MYOM2: variants seen among roughly 807,000 people sequenced by gnomAD.
MYOM2 encodes myomesin-2.
Under a neutral mutation model 187.6 loss-of-function variants are expected in MYOM2, and 254 were observed. The ratio of observed to expected loss-of-function variants is 1.35; its 90% CI spans 1.22 to 1.50. MYOM2 has a LOEUF of 1.50. Ranked by LOEUF, MYOM2 falls within the 40% of genes most tolerant of loss-of-function variation. The pLI is 0.00. For missense variants in MYOM2, 2,796 were observed against 1,924.0 expected (o/e 1.45, Z -8.48); for synonymous variants, 981 against 753.8 (o/e 1.30, Z -4.94).
At chr8:2,054,921 C>G (rs55957756) in intron 3 of MYOM2, among the ~76,000 whole-genome samples, 5,129 of 109,838 alleles carry the variant, frequency 0.047, 752 homozygotes, top group Non-Finnish European at 0.068. Context: ...ACTGGGGAAC[C>G]AAGTACCTGG....
chr8:2,107,436 T>G (rs1306714536), intron 23 of MYOM2, among the ~76,000 whole-genome samples: 1 of 152,108 alleles, frequency 6.6e-6, no homozygotes, highest in Non-Finnish European at 1.5e-5. Context: ...AGCAGATCCT[T>G]TAGTTATCAA....
intron 1 of MYOM2, among the ~76,000 whole-genome samples, chr8:2,049,425 C>T (rs1441754743): frequency 6.6e-6 from 1 of 152,186 alleles, no homozygotes; most frequent in Admixed American, 6.5e-5. Flanking sequence ...TCGGAGATTA[C>T]AGAGTTCAAA....
chr8:2,057,741 G>T lies in MYOM2; in HGVS notation c.521G>T (p.Cys174Phe). ...TVWERMSVKL[C>F]FTVQGFPTPV... ...TGGGAGAGGATGTCTGTGAAACTCTGCTTCACCGTGCAAGGATTTCCCACG... is the reference window on the plus strand; with the variant it reads ...TGGGAGAGGATGTCTGTGAAACTCTTCTTCACCGTGCAAGGATTTCCCACG... Residue 174 changes from cysteine to phenylalanine, a missense_variant, in exon 5 of 37, where the codon TGC becomes TTC. Cys to Phe is a radical substitution (Grantham distance 205, BLOSUM62 -2). Transcript: ENST00000262113. 1.2e-6 allele frequency: 2 copies of T among 1,614,126 alleles called. No homozygotes were observed. Among genetic ancestry groups the T allele is most frequent in the Non-Finnish European group, 1.7e-6 (2 of 1,180,022 alleles).
At chr8:2,144,196 A>G (rs1042422362) in intron 36 of MYOM2, among the ~76,000 whole-genome samples, 1 of 152,268 alleles carries the variant, frequency 6.6e-6, no homozygotes, top group Admixed American at 6.5e-5. Context: ...GGCTGAAAGC[A>G]TGTTTTAACT....
Position 2,107,117 on chromosome 8 carries a change from TTAGA to T in MYOM2, c.2998+524_2998+527del, listed in dbSNP as rs1363866993. ...ATCAAGGGGAAAAACAATAGTTTTC[TTAGA>T]TAGGTTCACAGGTCTGAGTTCACCA... On this transcript the variant is annotated intron_variant, in intron 23 of 36. Transcript: ENST00000262113. Among the ~76,000 whole-genome samples the T allele has an allele frequency of 6.6e-5, 10 of 152,294 alleles. No homozygotes were observed. The South Asian group carries it at 1.7e-3, about 25-fold the overall frequency.
chr8:2,131,248 C>G (rs187785689), intron 32 of MYOM2, among the ~76,000 whole-genome samples: 2 of 152,280 alleles, frequency 1.3e-5, no homozygotes, highest in Admixed American at 6.5e-5. Context: ...TTATTTTTAT[C>G]TAATCCTCAC....
At chr8:2,112,723 A>G (rs111592928) in intron 25 of MYOM2, among the ~76,000 whole-genome samples, 42 of 152,372 alleles carry the variant, frequency 2.8e-4, no homozygotes, top group African/African-American at 9.1e-4. Flanking sequence ...TTGCAATATC[A>G]AAACAGAAAT....
chr8:2,097,878 A>C (rs1290963282), intron 18 of MYOM2, among the ~76,000 whole-genome samples: 1 of 152,222 alleles, frequency 6.6e-6, no homozygotes, highest in Non-Finnish European at 1.5e-5. Context: ...GGGCTAAATC[A>C]TCACCACGCT....
At chr8:2,046,673 C>T (rs757477987) in intron 1 of MYOM2, among the ~76,000 whole-genome samples, 11 of 152,052 alleles carry the variant, frequency 7.2e-5, no homozygotes, top group East Asian at 5.8e-4. Flanking sequence ...CCTCCCAATG[C>T]GCCTGAGCCC....
At chr8:2,055,833 C>T (rs775860523) in intron 3 of MYOM2, among the ~76,000 whole-genome samples, 1 of 152,138 alleles carries the variant, frequency 6.6e-6, no homozygotes, top group Non-Finnish European at 1.5e-5. Context: ...TCTGGACAGC[C>T]GTGATGCTAC....
intron 32 of MYOM2, among the ~76,000 whole-genome samples, chr8:2,137,813 C>G (rs535429561): frequency 1.3e-5 from 2 of 152,230 alleles, no homozygotes; most frequent in South Asian, 4.1e-4. Context: ...TGTAAAGTGT[C>G]CAGTTGTAAG....
intron 6 of MYOM2, among the ~76,000 whole-genome samples, chr8:2,068,255 C>T (rs1178772863): frequency 6.6e-6 from 1 of 151,524 alleles, no homozygotes; most frequent in African/African-American, 2.4e-5. Context: ...GGGGGCAGCT[C>T]TTCAATGCCT....
chr8:2,069,198 A>C, intron 6 of MYOM2, 80 bp from the exon 7 acceptor site: 1 of 1,364,322 alleles, frequency 7.3e-7, no homozygotes, highest in Non-Finnish European at 1.0e-6. Context: ...TTTGCTTTCG[A>C]GGAATGCTTT....
rs902220740 is a variant in MYOM2 at position 2,145,081 on chromosome 8, G to T, written c.*100G>T. On this transcript the variant is annotated 3_prime_UTR_variant, in exon 37 of 37. Transcript: ENST00000262113. ...GCAGCTGGCATCCGAGTGGTGTCCT[G>T]TGTGGGCTGATAGTTGATCACACAT... 5 of 1,298,366 alleles carry T rather than the reference G, an allele frequency of 3.9e-6. No homozygotes were observed. The African/African-American group carries it at 4.5e-5, about 12-fold the overall frequency. 80.4% of individuals were successfully genotyped at this position (1,298,366 alleles called of 1,614,324 possible).
chr8:2,064,580 A>G (rs903030128), intron 6 of MYOM2, among the ~76,000 whole-genome samples: 1 of 152,192 alleles, frequency 6.6e-6, no homozygotes, highest in African/African-American at 2.4e-5. Context: ...TTCTTCCCCC[A>G]GTGGCTCCTG....
intron 10 of MYOM2, among the ~76,000 whole-genome samples, chr8:2,075,479 A>T (rs947556327): frequency 6.6e-6 from 1 of 152,226 alleles, no homozygotes; most frequent in African/African-American, 2.4e-5. Flanking sequence ...CCCTGAAGAT[A>T]TGTGAGCAGG....
intron 14 of MYOM2, among the ~76,000 whole-genome samples, chr8:2,088,310 AG>A (rs1445302461): frequency 1.3e-5 from 2 of 152,164 alleles, no homozygotes; most frequent in African/African-American, 2.4e-5. Flanking sequence ...TTTTAGCTTC[AG>A]GGGGTACCTG....
chr8:2,066,047 G>A (rs531900622), intron 6 of MYOM2, among the ~76,000 whole-genome samples: 5 of 152,310 alleles, frequency 3.3e-5, no homozygotes, highest in African/African-American at 7.2e-5. Context: ...CCACACTCCC[G>A]CTCCTCGAGT....
At chr8:2,100,760 G>C (rs544986683) in intron 19 of MYOM2, 116 bp from the exon 20 acceptor site, 23 of 929,624 alleles carry the variant, frequency 2.5e-5, no homozygotes, top group Non-Finnish European at 3.6e-5. Flanking sequence ...GAACAGATAC[G>C]GATGGTCCTG....
Sources: allele counts gnomAD v4.1 joint callset (sites outside exome capture counted in the v4.1 genomes callset), GRCh38; gene constraint gnomAD v4.1.1; transcripts MANE v1.5; gene names NCBI Gene and HGNC (gene_info 2026-07-23, HGNC 2026-07-21).